The following PCDH9 variants were observed in gnomAD, a reference collection of about 807,000 sequenced individuals.
PCDH9 encodes protocadherin 9, also known as protocadherin-9.
PCDH9 carries 24 observed loss-of-function variants against 70.6 expected under a neutral mutation model. The observed-to-expected ratio is 0.34, with a 90% CI of 0.25 to 0.48. The LOEUF (loss-of-function observed/expected upper bound fraction) is 0.48. Among genes scored for constraint, PCDH9 ranks in the 20% least tolerant of loss-of-function variants. The pLI is 0.99. For missense variants in PCDH9, 1,281 were observed against 1,503.6 expected (o/e 0.85, Z 2.45); for synonymous variants, 562 against 558.5 (o/e 1.01, Z -0.09).
intron 4 of PCDH9, among the ~76,000 whole-genome samples, chr13:66,500,633 T>C (rs1959172237): frequency 1.3e-5 from 2 of 152,204 alleles, no homozygotes; most frequent in South Asian, 4.1e-4. Context: ...AAATGATTAG[T>C]TTTTTATATT....
intron 3 of PCDH9, among the ~76,000 whole-genome samples, chr13:66,873,775 T>C (rs1469125872): frequency 6.6e-6 from 1 of 152,072 alleles, no homozygotes; most frequent in East Asian, 1.9e-4. Context: ...GCTACAAGTG[T>C]TCCTCCTTTG....
At chr13:66,556,103 T>C (rs929509191) in intron 4 of PCDH9, among the ~76,000 whole-genome samples, 2 of 151,800 alleles carry the variant, frequency 1.3e-5, no homozygotes, top group Middle Eastern at 3.2e-3. Context: ...TTTAATTTAT[T>C]GATTATCCTC....
chr13:66,722,356 T>G (rs748885445), intron 3 of PCDH9, among the ~76,000 whole-genome samples: 1 of 152,208 alleles, frequency 6.6e-6, no homozygotes, highest in Non-Finnish European at 1.5e-5. Flanking sequence ...TAATGAGGTA[T>G]GTACTGTATC....
intron 2 of PCDH9, among the ~76,000 whole-genome samples, chr13:67,013,865 G>A (rs1216609775): frequency 6.6e-6 from 1 of 152,000 alleles, no homozygotes; most frequent in Non-Finnish European, 1.5e-5. Flanking sequence ...CATGAGAGCA[G>A]ATGACAGACA....
Position 67,030,112 on chromosome 13 carries a change from GCT to G in PCDH9, c.3037-126509_3037-126508del, listed in dbSNP as rs899686876. On this transcript the variant is annotated intron_variant, in intron 2 of 4. Transcript: ENST00000377865. Reference sequence around the variant, plus strand: ...TTATTTATTTAGGAGATGGAGTCTCGCTCTGTCACCCAGGCTGGAGTGCAGTG... The same window carrying G: ...TTATTTATTTAGGAGATGGAGTCTCGCTGTCACCCAGGCTGGAGTGCAGTG... Among the ~76,000 whole-genome samples, 24 of 151,990 alleles carry G rather than the reference GCT, an allele frequency of 1.6e-4. 1 individual carries two copies. Among genetic ancestry groups the G allele is most frequent in the African/African-American group, 5.3e-4 (22 of 41,472 alleles).
intron 3 of PCDH9, among the ~76,000 whole-genome samples, chr13:66,803,087 T>C (rs1443181707): frequency 6.9e-6 from 1 of 144,732 alleles, no homozygotes; most frequent in South Asian, 2.3e-4. Flanking sequence ...AGTGTCAAGG[T>C]TGAATTTCAT....
At chr13:66,708,947 T>C (rs751701431) in intron 3 of PCDH9, among the ~76,000 whole-genome samples, 1 of 152,222 alleles carries the variant, frequency 6.6e-6, no homozygotes, top group South Asian at 2.1e-4. Context: ...ATAGTAGTTA[T>C]GGTGTTCTCT....
In PCDH9 at chr13:67,184,942, C is replaced by T. The variant is rs573522504; in HGVS notation, c.3036+40463G>A. On this transcript the variant is annotated intron_variant, in intron 2 of 4. Transcript: ENST00000377865. ...CCTTTTTGGTCCTTTCTGTTGACTG[C>T]GATAACTTCTTTCACAGAATCTCCG... 3.9e-5 allele frequency among the ~76,000 whole-genome samples: 6 copies of T among 152,180 alleles called. No individual in the cohort carries two copies. The East Asian group carries it at 5.8e-4, about 15-fold the overall frequency.
At chr13:67,199,904 T>C (rs2089167748) in intron 2 of PCDH9, among the ~76,000 whole-genome samples, 1 of 152,076 alleles carries the variant, frequency 6.6e-6, no homozygotes, top group African/African-American at 2.4e-5. Context: ...GGTATTTTCA[T>C]TCAGCTAGAT....
At chr13:66,765,464 A>G (rs2079700491) in intron 3 of PCDH9, among the ~76,000 whole-genome samples, 1 of 152,070 alleles carries the variant, frequency 6.6e-6, no homozygotes, top group African/African-American at 2.4e-5. Context: ...GTGCTACAAA[A>G]TGGGACTACC....
chr13:66,922,523 G>A (rs1435784123), intron 2 of PCDH9, among the ~76,000 whole-genome samples: 1 of 151,366 alleles, frequency 6.6e-6, no homozygotes, highest in Admixed American at 6.6e-5. Context: ...AAAGTAATAG[G>A]ACAAACTTAT....
chr13:66,857,857 T>G (rs1434967422), intron 3 of PCDH9, among the ~76,000 whole-genome samples: 1 of 152,096 alleles, frequency 6.6e-6, no homozygotes, highest in Non-Finnish European at 1.5e-5. Flanking sequence ...TCCCAATTCA[T>G]AGACATACTG....
intron 3 of PCDH9, among the ~76,000 whole-genome samples, chr13:66,778,065 A>T (rs1275861710): frequency 6.9e-6 from 1 of 144,044 alleles, no homozygotes; most frequent in Non-Finnish European, 1.5e-5. Context: ...TCTCACTCAT[A>T]GGTGGGAATT....
chr13:66,757,967 T>G (rs1472586854), intron 3 of PCDH9, among the ~76,000 whole-genome samples: 1 of 152,088 alleles, frequency 6.6e-6, no homozygotes, highest in Non-Finnish European at 1.5e-5. Flanking sequence ...CATAATTTTT[T>G]CTTAAATACT....
At chr13:66,936,657 A>G (rs571630736) in intron 2 of PCDH9, among the ~76,000 whole-genome samples, 12 of 152,320 alleles carry the variant, frequency 7.9e-5, no homozygotes, top group Non-Finnish European at 1.5e-4. Flanking sequence ...TGGCTACTAA[A>G]CAAGTCATTG....
chr13:67,164,590 A>G (rs886600826), intron 2 of PCDH9, among the ~76,000 whole-genome samples: 1 of 150,104 alleles, frequency 6.7e-6, no homozygotes, highest in African/African-American at 2.4e-5. Flanking sequence ...AAAAAAAAAA[A>G]GAAAAAAAAG....
intron 3 of PCDH9, among the ~76,000 whole-genome samples, chr13:66,668,776 G>T (rs1375943044): frequency 6.6e-6 from 1 of 152,126 alleles, no homozygotes; most frequent in African/African-American, 2.4e-5. Flanking sequence ...AAAGATATAT[G>T]TTGAAGGTTT....
chr13:66,917,116 C>T (rs2082569628), intron 2 of PCDH9, among the ~76,000 whole-genome samples: 1 of 151,520 alleles, frequency 6.6e-6, no homozygotes, highest in Middle Eastern at 3.2e-3. Context: ...ACACACTTCA[C>T]TTGTTGAAAC....
At chr13:67,032,178 C>T (rs2084920638) in intron 2 of PCDH9, among the ~76,000 whole-genome samples, 1 of 152,060 alleles carries the variant, frequency 6.6e-6, no homozygotes, top group Non-Finnish European at 1.5e-5. Flanking sequence ...GGGCCTTACT[C>T]GGTCACCCAG....
Sources: gnomAD v4.1 joint callset for allele counts (sites outside exome capture counted in the v4.1 genomes callset) on GRCh38, gnomAD v4.1.1 for gene constraint, MANE v1.5 for transcripts, NCBI Gene and HGNC (gene_info 2026-07-23, HGNC 2026-07-21) for gene names.